MCC: variants seen among roughly 807,000 people sequenced by gnomAD.
The protein encoded by MCC is MCC regulator of Wnt signaling pathway.
In MCC, 90 loss-of-function variants were observed where a neutral mutation model predicts 116.2. The ratio of observed to expected loss-of-function variants is 0.77; its 90% CI spans 0.65 to 0.92. MCC has a LOEUF of 0.92. Ranked by LOEUF, MCC falls within the 40% of genes least tolerant of loss-of-function variation. MCC has a pLI of 0.00. For missense variants in MCC, 1,516 were observed against 1,312.2 expected (o/e 1.16, Z -2.40); for synonymous variants, 578 against 510.5 (o/e 1.13, Z -1.78).
chr5:113,372,290 A>G (rs910347997), intron 2 of MCC, among the ~76,000 whole-genome samples: 2 of 152,364 alleles, frequency 1.3e-5, no homozygotes, highest in Non-Finnish European at 2.9e-5. Flanking sequence ...GCAGCACCAA[A>G]TAGTGTGAAA....
intron 1 of MCC, among the ~76,000 whole-genome samples, chr5:113,460,770 A>G (rs536385087): frequency 6.6e-6 from 1 of 152,324 alleles, no homozygotes; most frequent in African/African-American, 2.4e-5. Flanking sequence ...GGCTGCTGCT[A>G]AAGTGTGGCC....
At chr5:113,247,125 G>A (rs974176941) in intron 3 of MCC, among the ~76,000 whole-genome samples, 2 of 152,192 alleles carry the variant, frequency 1.3e-5, no homozygotes, top group Non-Finnish European at 2.9e-5. Context: ...CCCTGCCCTG[G>A]AGTAGTTTAC....
chr5:113,361,996 T>C (rs1200988038), intron 2 of MCC, among the ~76,000 whole-genome samples: 2 of 152,154 alleles, frequency 1.3e-5, no homozygotes, highest in Admixed American at 6.5e-5. Flanking sequence ...CCCCAGCTTA[T>C]AGATGGCATA....
intron 2 of MCC, among the ~76,000 whole-genome samples, chr5:113,342,358 G>A (rs558019714): frequency 1.3e-5 from 2 of 152,322 alleles, no homozygotes; most frequent in Middle Eastern, 3.4e-3. Flanking sequence ...ATAACCAGGA[G>A]TGGGATTGCT....
chr5:113,116,229 C>T (rs2150265560), intron 6 of MCC, among the ~76,000 whole-genome samples: 1 of 152,296 alleles, frequency 6.6e-6, no homozygotes, highest in Admixed American at 6.5e-5. Context: ...TCCACGCCAC[C>T]AGGAGGAGGG....
intron 6 of MCC, among the ~76,000 whole-genome samples, chr5:113,108,343 A>T (rs1474135614): frequency 6.8e-6 from 1 of 148,120 alleles, no homozygotes; most frequent in African/African-American, 2.5e-5. Context: ...AAAAAAAAAA[A>T]AAAAAAAAAA....
Position 113,101,807 on chromosome 5 carries a change from C to T in MCC, c.1330G>A (p.Glu444Lys), listed in dbSNP as rs1232658549. 2.5e-6 allele frequency: 4 copies of T among 1,613,554 alleles called. No individual in the cohort carries two copies. The South Asian group carries it at 3.3e-5, about 13-fold the overall frequency. The change falls in exon 8 of 19, where the codon GAA (glutamate) becomes AAA (lysine). Residue 444 changes from glutamate to lysine, a missense_variant. By Grantham distance (56) the Glu-to-Lys change is moderately conservative (BLOSUM62 1). Transcript: ENST00000408903. ...GTGGCCTTAGTCCGGTTCAGTTCTTCCTCTTTGCTGCACAGCATGGCAGTC... is the reference window on the plus strand; with the variant it reads ...GTGGCCTTAGTCCGGTTCAGTTCTTTCTCTTTGCTGCACAGCATGGCAGTC... ...SLTAMLCSKE[E>K]ELNRTKATMN... is the part of the protein sequence containing the mutation.
At chr5:113,421,279 A>T (rs1351003285) in intron 1 of MCC, among the ~76,000 whole-genome samples, 1 of 151,724 alleles carries the variant, frequency 6.6e-6, no homozygotes, top group Non-Finnish European at 1.5e-5. Flanking sequence ...GCCCGCCTGG[A>T]CTCCCAAAGT....
intron 3 of MCC, among the ~76,000 whole-genome samples, chr5:113,326,752 G>C (rs1003623595): frequency 1.3e-5 from 2 of 152,130 alleles, no homozygotes; most frequent in Non-Finnish European, 2.9e-5. Context: ...CTATGGTAAT[G>C]AATATATTCC....
chr5:113,053,984 C>A, intron 14 of MCC, 25 bp from the exon 15 acceptor site: 2 of 1,537,076 alleles, frequency 1.3e-6, no homozygotes, highest in Non-Finnish European at 1.8e-6. Flanking sequence ...AAACAAAGAC[C>A]CACCACCCTG....
intron 3 of MCC, among the ~76,000 whole-genome samples, chr5:113,238,336 T>TA (rs1764227021): frequency 1.3e-5 from 2 of 152,158 alleles, no homozygotes; most frequent in Admixed American, 1.3e-4. Flanking sequence ...AAATGCCACC[T>TA]AAAAAAATCA....
intron 3 of MCC, among the ~76,000 whole-genome samples, chr5:113,186,768 G>A (rs910283516): frequency 2.0e-5 from 3 of 152,092 alleles, no homozygotes; most frequent in Non-Finnish European, 1.5e-5. Context: ...CTTACTGAGG[G>A]GTAGAAGTTT....
chr5:113,211,843 G>A (rs1377907541), intron 3 of MCC, among the ~76,000 whole-genome samples: 2 of 152,174 alleles, frequency 1.3e-5, no homozygotes, highest in African/African-American at 4.8e-5. Flanking sequence ...AAACAAACAT[G>A]AAAACTCTAA....
chr5:113,085,192 C>A lies in MCC; in HGVS notation c.1517G>T (p.Ser506Ile). The part of the protein sequence containing the change: ...NPSTGELSTS[S>I]SSNDIPIAKI... Reference sequence around the variant, plus strand: ...GGCGATGGGAATGTCATTGCTGCTGCTGCTTGTGCTCAGCTCCCCAGTGCT... The same window carrying A: ...GGCGATGGGAATGTCATTGCTGCTGATGCTTGTGCTCAGCTCCCCAGTGCT... The change falls in exon 9 of 19, where the codon AGC (serine) becomes ATC (isoleucine). Residue 506 changes from serine (S) to isoleucine (I), a missense_variant. Coordinates refer to ENST00000408903, the MANE Select transcript of MCC (RefSeq NM_001085377.2). 1 of 1,614,202 alleles carries A rather than the reference C, an allele frequency of 6.2e-7. No individual in the cohort carries two copies. Among genetic ancestry groups the A allele is most frequent in the Non-Finnish European group, 8.5e-7 (1 of 1,180,040 alleles).
intron 3 of MCC, among the ~76,000 whole-genome samples, chr5:113,312,189 A>G (rs1442106771): frequency 6.6e-6 from 1 of 152,180 alleles, no homozygotes; most frequent in Admixed American, 6.5e-5. Context: ...AGGCAGGAGA[A>G]TCACTTGAAC....
intron 1 of MCC, among the ~76,000 whole-genome samples, chr5:113,487,983 T>G (rs1772588946): frequency 6.6e-6 from 1 of 152,052 alleles, no homozygotes; most frequent in East Asian, 1.9e-4. Context: ...AGAGTGCGCA[T>G]CCTAAGGAGA....
intron 14 of MCC, among the ~76,000 whole-genome samples, chr5:113,054,388 A>G (rs1400237275): frequency 6.6e-6 from 1 of 152,270 alleles, no homozygotes; most frequent in Non-Finnish European, 1.5e-5. Flanking sequence ...ATAGGTTAAA[A>G]GATATTATAT....
chr5:113,185,072 C>T (rs774432573), intron 3 of MCC, among the ~76,000 whole-genome samples: 2 of 152,174 alleles, frequency 1.3e-5, no homozygotes, highest in Admixed American at 6.5e-5. Flanking sequence ...AACCACACCA[C>T]GTTAGGCCAC....
chr5:113,180,107 G>C (rs1227030459), intron 3 of MCC, among the ~76,000 whole-genome samples: 3 of 152,136 alleles, frequency 2.0e-5, no homozygotes, highest in African/African-American at 4.8e-5. Context: ...TTTTAGGAAG[G>C]GGTCGCCTGC....
Sources: gnomAD v4.1 joint callset for allele counts (sites outside exome capture counted in the v4.1 genomes callset) on GRCh38, gnomAD v4.1.1 for gene constraint, MANE v1.5 for transcripts, NCBI Gene and HGNC (gene_info 2026-07-23, HGNC 2026-07-21) for gene names.